TEX11: variants seen among roughly 807,000 people sequenced by gnomAD.
TEX11 encodes testis expressed 11, also known as testis-expressed protein 11.
Under a neutral mutation model 84.4 loss-of-function variants are expected in TEX11, and 7 were observed. The ratio of observed to expected loss-of-function variants is 0.08; its 90% CI spans 0.05 to 0.16. The LOEUF is 0.16. Ranked by LOEUF, TEX11 falls within the 10% of genes least tolerant of loss-of-function variation. The pLI is 1.00. For missense variants in TEX11, 551 were observed against 660.5 expected, an observed-to-expected ratio of 0.83 and a Z score of 1.82; for synonymous variants, 264 against 222.8, an observed-to-expected ratio of 1.18 and a Z score of -1.64.
intron 9 of TEX11, among the ~76,000 whole-genome samples, chrX:70,783,931 A>T (rs1007763662): frequency 3.6e-5 from 4 of 111,934 alleles, no homozygotes; most frequent in African/African-American, 1.3e-4. Context: ...TTCTGAAACT[A>T]TTCCAATCAA....
At chrX:70,857,769 C>T (rs2091544955) in intron 5 of TEX11, among the ~76,000 whole-genome samples, 1 of 111,627 alleles carries the variant, frequency 9.0e-6, no homozygotes, top group Non-Finnish European at 1.9e-5. Flanking sequence ...ATAAGAATTA[C>T]ATGTGCATGT....
chrX:70,682,831 C>T lies in TEX11; in HGVS notation c.1005-6G>A, dbSNP rs753760481. ...AATGAAACCCAACAGATTCTCTGTA[C>T]AATGAGACACAATTTTAAGCAATGC... On this transcript the variant is annotated splice_polypyrimidine_tract_variant and splice_region_variant and intron_variant, in intron 13 of 29. Transcript: ENST00000374333. 8.3e-7 allele frequency: 1 copy of T among 1,202,314 alleles called. No individual in the cohort carries two copies. Among genetic ancestry groups the T allele is most frequent in the Non-Finnish European group, 1.1e-6 (1 of 891,215 alleles).
intron 9 of TEX11, among the ~76,000 whole-genome samples, chrX:70,746,261 A>G (rs1317805386): frequency 3.6e-5 from 4 of 111,301 alleles, no homozygotes; most frequent in African/African-American, 6.5e-5. Context: ...CTGCCAGACT[A>G]TCTTGCCATT....
At chrX:70,722,498 C>A in intron 13 of TEX11, 120 bp downstream of exon 13, 1 of 513,513 alleles carries the variant, frequency 1.9e-6, no homozygotes, top group Middle Eastern at 3.5e-4. Flanking sequence ...TGGTCTCAAG[C>A]TCCTGGGCTC....
chrX:70,759,927 A>G (rs771395942), intron 9 of TEX11, among the ~76,000 whole-genome samples: 61 of 112,120 alleles, frequency 5.4e-4, no homozygotes, highest in Non-Finnish European at 2.6e-4. Context: ...CTCAGGATAT[A>G]AAATCAATGT....
At chrX:70,552,636 G>T (rs2088231482) in intron 27 of TEX11, among the ~76,000 whole-genome samples, 1 of 111,424 alleles carries the variant, frequency 9.0e-6, no homozygotes, top group Admixed American at 9.6e-5. Flanking sequence ...CTTAACACAG[G>T]AAGACTGTAA....
At chrX:70,716,456 C>T (rs2090502980) in intron 13 of TEX11, among the ~76,000 whole-genome samples, 1 of 111,274 alleles carries the variant, frequency 9.0e-6, no homozygotes, top group East Asian at 2.8e-4. Flanking sequence ...AGCTTCCCAG[C>T]CTCTTTGTTT....
At chrX:70,780,005 G>A (rs1477245728) in intron 9 of TEX11, among the ~76,000 whole-genome samples, 1 of 111,942 alleles carries the variant, frequency 8.9e-6, no homozygotes, top group East Asian at 2.8e-4. Context: ...AGTGGCTCAT[G>A]CCTGTAATCC....
At chrX:70,825,133 G>A (rs1369586862) in intron 8 of TEX11, among the ~76,000 whole-genome samples, 2 of 110,010 alleles carry the variant, frequency 1.8e-5, no homozygotes, top group African/African-American at 3.3e-5. Flanking sequence ...CCAACATGGC[G>A]AAACCCTGTC....
At position 70,871,508 on chromosome X, in the gene TEX11, C is replaced by T. The variant is rs766175588; in HGVS notation, c.244+1715G>A. On this transcript the variant is annotated intron_variant, in intron 4 of 29. Transcript: ENST00000374333. ...AATTATAGCTTATAAATCTTCATGA[C>T]TTATTTCATCACATCCAGGCACACT... is the stretch of plus-strand genomic sequence containing the variant. Among the ~76,000 whole-genome samples, 4 of 112,289 alleles carry T rather than the reference C, an allele frequency of 3.6e-5. No individual in the cohort carries two copies. In the East Asian group the frequency reaches 1.1e-3, roughly 31 times the overall value.
chrX:70,553,247 T>G, intron 27 of TEX11, 59 bp downstream of exon 27: 1 of 769,014 alleles, frequency 1.3e-6, no homozygotes, highest in Non-Finnish European at 1.9e-6. Flanking sequence ...ATTGGTTACT[T>G]TTGAGGCATT....
intron 9 of TEX11, among the ~76,000 whole-genome samples, chrX:70,796,585 T>A (rs2091156784): frequency 9.0e-6 from 1 of 111,520 alleles, no homozygotes; most frequent in Non-Finnish European, 1.9e-5. Context: ...CAAAAGCAAT[T>A]GCAACAAAAC....
chrX:70,882,576 T>C (rs1275731917), intron 2 of TEX11, among the ~76,000 whole-genome samples: 1 of 110,259 alleles, frequency 9.1e-6, no homozygotes, highest in African/African-American at 3.3e-5. Flanking sequence ...AGCTCAGGAG[T>C]TTGAGACCAG....
chrX:70,562,485 T>C (rs925835316), intron 25 of TEX11, among the ~76,000 whole-genome samples: 4 of 112,327 alleles, frequency 3.6e-5, no homozygotes, highest in Non-Finnish European at 7.5e-5. Context: ...GAATACAGTA[T>C]TGTGCATAGT....
chrX:70,661,731 C>T (rs1003571279), intron 16 of TEX11, among the ~76,000 whole-genome samples: 21 of 111,626 alleles, frequency 1.9e-4, no homozygotes, highest in African/African-American at 6.9e-4. Flanking sequence ...TGTTCTGCAG[C>T]CTCCGCTCTG....
At chrX:70,692,403 T>C (rs761734785) in intron 13 of TEX11, among the ~76,000 whole-genome samples, 5 of 111,067 alleles carry the variant, frequency 4.5e-5, no homozygotes, top group African/African-American at 1.6e-4. Flanking sequence ...TAACTGAAAC[T>C]TTATACGTAT....
intron 17 of TEX11, among the ~76,000 whole-genome samples, chrX:70,635,944 C>G (rs1569368367): frequency 9.0e-6 from 1 of 111,551 alleles, no homozygotes; most frequent in Non-Finnish European, 1.9e-5. Flanking sequence ...TTATGTCACT[C>G]CACACTCCAG....
chrX:70,600,217 T>G (rs1569349431), intron 24 of TEX11, among the ~76,000 whole-genome samples: 1 of 111,935 alleles, frequency 8.9e-6, no homozygotes, highest in Non-Finnish European at 1.9e-5. Flanking sequence ...CCATTCTAAC[T>G]GGTGTGAGAT....
intron 9 of TEX11, among the ~76,000 whole-genome samples, chrX:70,798,422 T>C (rs1213350678): frequency 8.9e-6 from 1 of 111,861 alleles, no homozygotes; most frequent in African/African-American, 3.2e-5. Flanking sequence ...ACCTAAAGCA[T>C]TCTACAGATT....
Sources: gnomAD v4.1 joint callset for allele counts (sites outside exome capture counted in the v4.1 genomes callset) on GRCh38, gnomAD v4.1.1 for gene constraint, MANE v1.5 for transcripts, NCBI Gene and HGNC (gene_info 2026-07-23, HGNC 2026-07-21) for gene names.